Variants in OPCML observed in about 807,000 individuals in gnomAD.
OPCML encodes opioid binding protein/cell adhesion molecule like.
A neutral mutation model predicts 37.8 loss-of-function variants in OPCML; 13 were observed. The observed-to-expected ratio is 0.34, with a 90% CI of 0.22 to 0.55. OPCML has a LOEUF of 0.55. Ranked by LOEUF, OPCML falls within the 20% of genes least tolerant of loss-of-function variation. OPCML has a pLI of 0.91. For synonymous variants in OPCML, 176 were observed against 168.8 expected, an observed-to-expected ratio of 1.04 and a Z score of -0.33; for missense variants, 341 against 435.6, an observed-to-expected ratio of 0.78 and a Z score of 1.93.
chr11:132,746,723 TAGC>T (rs1945647805), intron 2 of OPCML, among the ~76,000 whole-genome samples: 2 of 152,168 alleles, frequency 1.3e-5, no homozygotes, highest in South Asian at 4.1e-4. Flanking sequence ...TTTCATAACG[TAGC>T]ATCACAGAGG....
chr11:132,963,765 ATT>A (rs1387883598), intron 1 of OPCML, among the ~76,000 whole-genome samples: 1 of 151,874 alleles, frequency 6.6e-6, no homozygotes, highest in Admixed American at 6.6e-5. Context: ...TATTATTATT[ATT>A]ATTAATTGTT....
chr11:133,034,825 T>A (rs1283393922), intron 1 of OPCML, among the ~76,000 whole-genome samples: 1 of 151,688 alleles, frequency 6.6e-6, no homozygotes, highest in Non-Finnish European at 1.5e-5. Context: ...TCATGTGAAC[T>A]TGCAGGAACC....
intron 4 of OPCML, among the ~76,000 whole-genome samples, chr11:132,439,354 A>C (rs1225333363): frequency 6.6e-6 from 1 of 152,168 alleles, no homozygotes; most frequent in Non-Finnish European, 1.5e-5. Flanking sequence ...GAACTTAGAC[A>C]ATTTCAAGAA....
chr11:133,417,979 G>A, intron 1 of OPCML: 1 of 716,132 alleles, frequency 1.4e-6, no homozygotes, highest in African/African-American at 1.9e-5. Context: ...GTTTACACAA[G>A]CTTTGTTCCT....
At chr11:132,678,513 A>T (rs1942806663) in intron 2 of OPCML, among the ~76,000 whole-genome samples, 1 of 152,226 alleles carries the variant, frequency 6.6e-6, no homozygotes, top group Admixed American at 6.5e-5. Context: ...TCAGTAGGTG[A>T]GTGGATAAAC....
At chr11:132,716,100 G>T (rs1023535679) in intron 2 of OPCML, among the ~76,000 whole-genome samples, 1 of 152,170 alleles carries the variant, frequency 6.6e-6, no homozygotes, top group African/African-American at 2.4e-5. Context: ...GAAAGAAGGA[G>T]GGCTGCTCCA....
At chr11:132,894,526 G>C (rs556122242) in intron 2 of OPCML, among the ~76,000 whole-genome samples, 1 of 152,286 alleles carries the variant, frequency 6.6e-6, no homozygotes, top group South Asian at 2.1e-4. Context: ...TTAATTTTAC[G>C]TATCCACCTA....
chr11:133,084,609 G>C (rs1041282391), intron 1 of OPCML, among the ~76,000 whole-genome samples: 10 of 152,176 alleles, frequency 6.6e-5, no homozygotes, highest in Non-Finnish European at 1.0e-4. Flanking sequence ...ACATCACTGG[G>C]AGGCGTATTG....
At position 132,765,511 on chromosome 11, in the gene OPCML, CTG is replaced by C. The variant is rs542287731; in HGVS notation, c.147-108194_147-108193del. Among the ~76,000 whole-genome samples, 187 of 152,210 alleles carry C rather than the reference CTG, an allele frequency of 1.2e-3. 1 individual carries two copies. The highest frequency in any genetic ancestry group is 2.8e-3 in the Admixed American group (43 of 15,284). On this transcript the variant is annotated intron_variant, in intron 2 of 7. Coordinates refer to ENST00000524381, the MANE Select transcript of OPCML (RefSeq NM_001012393.5). ...TCCTGTTATTTCCATCTCTTAATTC[CTG>C]ATATGAGCAGATTCTTACCTGTTTG...
At chr11:132,879,080 CTT>C (rs1425035035) in intron 2 of OPCML, among the ~76,000 whole-genome samples, 1 of 152,110 alleles carries the variant, frequency 6.6e-6, no homozygotes, top group Non-Finnish European at 1.5e-5. Context: ...GTGGTAGAAA[CTT>C]TGTATAAATG....
Position 132,416,988 on chromosome 11 carries a change from G to A in OPCML, c.*3205C>T, listed in dbSNP as rs1192387824. ...TGAACTCTGTTTTGGGAAGGGGAAG[G>A]GTTTCAGAGTCCCTACATTGCTAAT... On this transcript the variant is annotated 3_prime_UTR_variant, in exon 8 of 8. Transcript: ENST00000524381. 1 of 152,452 alleles carries A rather than the reference G, an allele frequency of 6.6e-6. No homozygotes were observed. Among genetic ancestry groups the A allele is most frequent in the East Asian group, 1.9e-4 (1 of 5,168 alleles). The allele number at this position is 152,452 out of a possible 1,614,324, so 9.4% of individuals were successfully genotyped here.
intron 1 of OPCML, among the ~76,000 whole-genome samples, chr11:133,437,728 C>T (rs1197920908): frequency 6.8e-6 from 1 of 146,520 alleles, no homozygotes; most frequent in Non-Finnish European, 1.5e-5. Flanking sequence ...CCCCGCTCAC[C>T]TCTCCCCTCT....
intron 3 of OPCML, among the ~76,000 whole-genome samples, chr11:132,644,635 T>C (rs1422665020): frequency 6.6e-6 from 1 of 152,206 alleles, no homozygotes; most frequent in African/African-American, 2.4e-5. Flanking sequence ...CCAAGATCCC[T>C]TTCCCAGACA....
chr11:132,577,444 T>C (rs1193682161), intron 3 of OPCML, among the ~76,000 whole-genome samples: 4 of 152,182 alleles, frequency 2.6e-5, no homozygotes, highest in Non-Finnish European at 4.4e-5. Flanking sequence ...AATTCAACTA[T>C]ATTTATATGC....
chr11:133,286,743 G>C (rs1008909733), intron 1 of OPCML, among the ~76,000 whole-genome samples: 1 of 151,990 alleles, frequency 6.6e-6, no homozygotes, highest in African/African-American at 2.4e-5. Context: ...CAGATAAAAC[G>C]AACCTAAGCA....
intron 2 of OPCML, among the ~76,000 whole-genome samples, chr11:132,712,598 G>C (rs1009245243): frequency 2.0e-5 from 3 of 152,224 alleles, no homozygotes; most frequent in African/African-American, 7.2e-5. Context: ...AGTGCCGGCT[G>C]TATTGCCAGC....
chr11:133,190,910 G>C (rs907852601), intron 1 of OPCML, among the ~76,000 whole-genome samples: 1 of 151,378 alleles, frequency 6.6e-6, no homozygotes, highest in African/African-American at 2.4e-5. Flanking sequence ...GTATATGTTT[G>C]TTTCTTTTTT....
At position 133,057,621 on chromosome 11, in the gene OPCML, G is replaced by A. The variant is rs1948264467; in HGVS notation, c.62-114611C>T. Among the ~76,000 whole-genome samples, 4 of 152,280 alleles carry A rather than the reference G, an allele frequency of 2.6e-5. No individual in the cohort carries two copies. The South Asian group carries it at 8.3e-4, about 32-fold the overall frequency. On this transcript the variant is annotated intron_variant, in intron 1 of 7. Transcript: ENST00000524381. Reference sequence around the variant, plus strand: ...ACTTGCAAAGCTATAGCCTGCCCCTGTCCCTAGCAACTGGTCTGCTATTTG... The same window carrying A: ...ACTTGCAAAGCTATAGCCTGCCCCTATCCCTAGCAACTGGTCTGCTATTTG...
intron 4 of OPCML, among the ~76,000 whole-genome samples, chr11:132,465,727 C>A (rs539575204): frequency 1.1e-4 from 16 of 152,144 alleles, no homozygotes; most frequent in Non-Finnish European, 2.4e-4. Flanking sequence ...ATAACTTCTG[C>A]ACTTTGAGTC....
Sources: gnomAD v4.1 joint callset for allele counts (sites outside exome capture counted in the v4.1 genomes callset) on GRCh38, gnomAD v4.1.1 for gene constraint, MANE v1.5 for transcripts, NCBI Gene and HGNC (gene_info 2026-07-23, HGNC 2026-07-21) for gene names.